Variants in AHNAK observed in about 807,000 individuals in gnomAD.
AHNAK encodes AHNAK nucleoprotein, also known as neuroblast differentiation-associated protein AHNAK.
In AHNAK, 23 loss-of-function variants were observed where a neutral mutation model predicts 37.8. The observed-to-expected ratio is 0.61, with a 90% CI of 0.44 to 0.86. The LOEUF is 0.86. Ranked by LOEUF, AHNAK falls within the 40% of genes least tolerant of loss-of-function variation. The probability of loss-of-function intolerance (pLI) is 0.00; values close to 1 mark genes in which losing one functional copy is unlikely to be tolerated. For missense variants in AHNAK, 7,411 were observed against 7,319.4 expected (o/e 1.01, Z -0.46); for synonymous variants, 2,481 against 2,636.3 (o/e 0.94, Z 1.80).
chr11:62,464,643 G>C (rs926629807), intron 5 of AHNAK, among the ~76,000 whole-genome samples: 1 of 150,810 alleles, frequency 6.6e-6, no homozygotes, highest in African/African-American at 2.4e-5. Context: ...ACTCCAGTCT[G>C]GGCAACAGAC....
rs377736920 is a variant in AHNAK, at chr11:62,517,066, C to T, written c.17351G>A (p.Ser5784Asn). ...KKPRHRSNSF[S>N]DEREFSGPST... ...AGGTCCAGAGAACTCTCTTTCATCA[C>T]TGAATGAATTTGAGCGGTGCCGTGG... is the stretch of plus-strand genomic sequence containing the variant. Residue 5784 changes from serine to asparagine, a missense_variant, in exon 5 of 5, where the codon AGT (serine) becomes AAT (asparagine). Transcript: ENST00000378024. 9 of 1,614,104 alleles carry T rather than the reference C, an allele frequency of 5.6e-6. No individual in the cohort carries two copies. The Middle Eastern group carries it at 8.2e-4, about 147-fold the overall frequency.
At chr11:62,462,359 C>T (rs1188159801) in intron 5 of AHNAK, among the ~76,000 whole-genome samples, 2 of 152,158 alleles carry the variant, frequency 1.3e-5, no homozygotes, top group Non-Finnish European at 2.9e-5. Flanking sequence ...AGTTTTCTGT[C>T]TCTATTTGTG....
At chr11:62,450,126 T>A (rs1424197940) in intron 5 of AHNAK, among the ~76,000 whole-genome samples, 43 of 128,428 alleles carry the variant, frequency 3.3e-4, no homozygotes, top group African/African-American at 9.5e-4. Flanking sequence ...ATTTTATTAT[T>A]TTATTTTATT....
chr11:62,487,486 G>A (rs1245074502), intron 5 of AHNAK, among the ~76,000 whole-genome samples: 2 of 152,156 alleles, frequency 1.3e-5, no homozygotes, highest in South Asian at 2.1e-4. Context: ...CCTCAAAACC[G>A]CCTTCAACAT....
Position 62,525,980 on chromosome 11 carries a change from C to G in AHNAK, c.8437G>C (p.Gly2813Arg). The G allele has an allele frequency of 6.2e-7, 1 of 1,614,032 alleles. No individual in the cohort carries two copies. The highest frequency in any genetic ancestry group is 8.5e-7 in the Non-Finnish European group (1 of 1,180,014). The change falls in exon 5 of 5, where the codon GGA becomes CGA. Residue 2813 changes from glycine (G) to arginine (R), a missense_variant. Gly to Arg is a moderately radical substitution (Grantham distance 125, BLOSUM62 -2). Transcript: ENST00000378024. ...GGACTTTTCCACTTTCCTTCAGGTCCTTCGATATTCACATCGGGACATTCA... is the reference window on the plus strand; with the variant it reads ...GGACTTTTCCACTTTCCTTCAGGTCGTTCGATATTCACATCGGGACATTCA... The part of the protein sequence containing the change: ...DVECPDVNIE[G>R]PEGKWKSPKF...
At chr11:62,478,977 G>T (rs975385943) in intron 5 of AHNAK, among the ~76,000 whole-genome samples, 1 of 151,898 alleles carries the variant, frequency 6.6e-6, no homozygotes, top group Admixed American at 6.6e-5. Flanking sequence ...CTGGATTCAA[G>T]TGATTCTCCT....
chr11:62,471,812 C>T (rs745356900), intron 5 of AHNAK, among the ~76,000 whole-genome samples: 2 of 151,676 alleles, frequency 1.3e-5, no homozygotes, highest in Non-Finnish European at 2.9e-5. Flanking sequence ...CCCTCAGCCC[C>T]GCACACTGGC....
At chr11:62,541,274 C>A (rs1349894357) in intron 1 of AHNAK, among the ~76,000 whole-genome samples, 4 of 152,218 alleles carry the variant, frequency 2.6e-5, no homozygotes, top group African/African-American at 9.7e-5. Flanking sequence ...CAGGAGGCAA[C>A]CCTCCGAGGG....
chr11:62,507,790 A>G (rs143252500), intron 4 of AHNAK, among the ~76,000 whole-genome samples: 152 of 152,344 alleles, frequency 1.0e-3, no homozygotes, highest in African/African-American at 3.6e-3. Context: ...AAAATAAAAA[A>G]CAAAAAACAA....
chr11:62,521,533 C>A lies in AHNAK; in HGVS notation c.12884G>T (p.Gly4295Val), dbSNP rs1257955272. ...DLKGPEVDIK[G>V]PKVDIDAPDV... ...AGGGGCATCGATGTCCACTTTGGGG[C>A]CCTTGATGTCAACTTCTGGGCCCTT... Residue 4295 changes from glycine (G) to valine (V), a missense_variant, in exon 5 of 5, where the codon GGC becomes GTC. By Grantham distance (109) the Gly-to-Val change is moderately radical. Transcript: ENST00000378024. The A allele has an allele frequency of 3.1e-6, 5 of 1,612,882 alleles. No homozygotes were observed. The Admixed American group carries it at 8.4e-5, about 27-fold the overall frequency.
rs1209000953 is a variant in AHNAK, at chr11:62,518,511, A to C, written c.15906T>G (p.Leu5302=). The C allele has an allele frequency of 6.2e-7, 1 of 1,614,018 alleles. No individual in the cohort carries two copies. Among genetic ancestry groups the C allele is most frequent in the South Asian group, 1.1e-5 (1 of 91,068 alleles). The change falls in exon 5 of 5, where the codon CTT becomes CTG. Residue 5302 remains leucine (L), a synonymous_variant. Coordinates refer to ENST00000378024, the MANE Select transcript of AHNAK (RefSeq NM_001620.3). ...AACTTGGTCCTTTCAAGTTCAGATC[A>C]AGGTCAGGCCCAGAGACTTTTGGCA... The part of the protein sequence containing the change: ...LSMPKVSGPD[L]DLNLKGPSLK...
chr11:62,474,811 G>A (rs1939110343), intron 5 of AHNAK, among the ~76,000 whole-genome samples: 1 of 152,194 alleles, frequency 6.6e-6, no homozygotes, highest in African/African-American at 2.4e-5. Flanking sequence ...CAACATCCTG[G>A]TGCTTGAAGA....
intron 1 of AHNAK, among the ~76,000 whole-genome samples, chr11:62,545,843 C>T (rs923712469): frequency 6.6e-6 from 1 of 152,160 alleles, no homozygotes; most frequent in Non-Finnish European, 1.5e-5. Flanking sequence ...GGGGCCATCC[C>T]GCCCGGACGG....
intron 5 of AHNAK, among the ~76,000 whole-genome samples, chr11:62,449,663 C>T (rs1188523137): frequency 1.3e-5 from 2 of 152,216 alleles, no homozygotes; most frequent in South Asian, 2.1e-4. Context: ...CACCCAACAC[C>T]TGGCATGCCA....
chr11:62,447,629 G>T (rs3017108), intron 5 of AHNAK, among the ~76,000 whole-genome samples: 1 of 149,132 alleles, frequency 6.7e-6, no homozygotes, highest in African/African-American at 2.4e-5. Context: ...ACAGTGAAAA[G>T]CCTCCCAAGC....
chr11:62,479,952 C>T (rs1016632978), intron 5 of AHNAK, among the ~76,000 whole-genome samples: 3 of 152,188 alleles, frequency 2.0e-5, no homozygotes, highest in Admixed American at 6.6e-5. Context: ...GAGCTGGAAT[C>T]CAGAGGGGAG....
In AHNAK at chr11:62,524,254, T is replaced by C. The variant is rs1273239970; in HGVS notation, c.10163A>G (p.Asn3388Ser). 4 of 1,613,598 alleles carry C rather than the reference T, an allele frequency of 2.5e-6. No individual in the cohort carries two copies. The East Asian group carries it at 6.7e-5, about 27-fold the overall frequency. The change falls in exon 5 of 5, where the codon AAT becomes AGT. Residue 3388 changes from asparagine (N) to serine (S), a missense_variant. Coordinates refer to ENST00000378024, the MANE Select transcript of AHNAK (RefSeq NM_001620.3). ...TCCTTGGACCTCGACATCAGGAGCA[T>C]TAATATCAACTTTTGGACCTGTTAT... is the stretch of plus-strand genomic sequence containing the variant. ...IDITGPKVDINAPDVEVQGKV... is the reference protein window; with the variant it reads ...IDITGPKVDISAPDVEVQGKV...
Position 62,531,194 on chromosome 11 carries a change from C to T in AHNAK, c.3223G>A (p.Asp1075Asn). The change falls in exon 5 of 5, where the codon GAT becomes AAT. Residue 1075 changes from aspartate to asparagine, a missense_variant. Physicochemically the swap from Asp to Asn is conservative, Grantham distance 23. Coordinates refer to ENST00000378024, the MANE Select transcript of AHNAK (RefSeq NM_001620.3). ...CCTTTCATTTTGGGTCCTTTAAGAT[C>T]CAGGTCAACATCTGGCAAAGACATC... ...PKMSLPDVDL[D>N]LKGPKMKGNV... The T allele has an allele frequency of 1.2e-6, 2 of 1,614,026 alleles. No homozygotes were observed. Among genetic ancestry groups the T allele is most frequent in the Non-Finnish European group, 1.7e-6 (2 of 1,180,014 alleles).
chr11:62,523,722 A>T lies in AHNAK; in HGVS notation c.10695T>A (p.Leu3565=). Residue 3565 remains leucine (L), a synonymous_variant, in exon 5 of 5, where the codon CTT becomes CTA. Transcript: ENST00000378024. Reference sequence around the variant, plus strand: ...CTTTCAGATCCCCTTCAAGTTTGGGAAGAGAAATATCCACATCACCTTTCA... The same window carrying T: ...CTTTCAGATCCCCTTCAAGTTTGGGTAGAGAAATATCCACATCACCTTTCA... ...PKVKGDVDIS[L]PKLEGDLKGP... 6.2e-7 allele frequency: 1 copy of T among 1,613,040 alleles called. No homozygotes were observed. Among genetic ancestry groups the T allele is most frequent in the Non-Finnish European group, 8.5e-7 (1 of 1,179,762 alleles).
Sources: allele counts gnomAD v4.1 joint callset (sites outside exome capture counted in the v4.1 genomes callset), GRCh38; gene constraint gnomAD v4.1.1; transcripts MANE v1.5; gene names NCBI Gene and HGNC (gene_info 2026-07-23, HGNC 2026-07-21).